Variants in OR51B5 observed in about 807,000 individuals in gnomAD.
OR51B5 encodes the protein olfactory receptor 51B5.
For synonymous variants in OR51B5, 186 were observed against 144.8 expected (o/e 1.28, Z -2.04); for missense variants, 456 against 374.6 (o/e 1.22, Z -1.79).
chr11:5,344,177 C>A (rs144596870), upstream of OR51B5, among the ~76,000 whole-genome samples: 53 of 152,226 alleles, frequency 3.5e-4, no homozygotes, highest in African/African-American at 1.2e-3. Context: ...CTTGTAGAAT[C>A]CTTCAGTACT....
chr11:5,489,034 A>T (rs767673177), intron 1 of OR51B5: 1 of 1,613,962 alleles, frequency 6.2e-7, no homozygotes, highest in Non-Finnish European at 8.5e-7. Context: ...TGTCCATTCT[A>T]TCTATGCTCT....
intron 1 of OR51B5, among the ~76,000 whole-genome samples, chr11:5,387,039 A>G (rs2133725008): frequency 6.6e-6 from 1 of 152,316 alleles, no homozygotes; most frequent in Non-Finnish European, 1.5e-5. Context: ...TATCTGGACT[A>G]GAGATTAATG....
rs185751635 is a variant in OR51B5 at position 5,354,405 on chromosome 11, A to G, written n.85-7495T>C. ...TGTAAATGGACACATTTGACTGACA[A>G]CCCTGAGTTTCTCTCCTCCCTTTCT... On this transcript the variant is annotated intron_variant and non_coding_transcript_variant, in intron 1 of 4. Transcript: ENST00000415970. 1.5e-4 allele frequency among the ~76,000 whole-genome samples: 23 copies of G among 152,320 alleles called. 4 individuals carry two copies. Among genetic ancestry groups the G allele is most frequent in the Admixed American group, 9.1e-4 (14 of 15,304 alleles).
At chr11:5,347,101 G>A (rs978867455), upstream of OR51B5, among the ~76,000 whole-genome samples, 5 of 152,114 alleles carry the variant, frequency 3.3e-5, no homozygotes, top group East Asian at 1.9e-4. Flanking sequence ...GTTACTGGCT[G>A]AATCAAGCCA....
chr11:5,340,496 T>C (rs2133674732), downstream of OR51B5: 1 of 152,032 alleles, frequency 6.6e-6, no homozygotes. Context: ...TGCAATGTCA[T>C]ATTGAAAAAT....
intron 1 of OR51B5, among the ~76,000 whole-genome samples, chr11:5,416,513 T>C (rs1488587627): frequency 6.6e-6 from 1 of 151,594 alleles, no homozygotes; most frequent in Non-Finnish European, 1.5e-5. Flanking sequence ...GACATGATTG[T>C]ATATCTAGAA....
At chr11:5,382,133 C>T (rs916943907) in intron 1 of OR51B5, among the ~76,000 whole-genome samples, 12 of 152,186 alleles carry the variant, frequency 7.9e-5, no homozygotes, top group African/African-American at 1.4e-4. Context: ...CATATAAACT[C>T]ATTCAGGGTC....
chr11:5,443,131 A>G (rs928156335), intron 1 of OR51B5, among the ~76,000 whole-genome samples: 1 of 152,152 alleles, frequency 6.6e-6, no homozygotes, highest in Non-Finnish European at 1.5e-5. Flanking sequence ...CTCTTCTACT[A>G]TATTTTCATG....
At chr11:5,400,077 G>A (rs959394108) in intron 1 of OR51B5, among the ~76,000 whole-genome samples, 1 of 152,168 alleles carries the variant, frequency 6.6e-6, no homozygotes, top group African/African-American at 2.4e-5. Flanking sequence ...TAAGAATGCA[G>A]AAGAGAAATG....
At position 5,369,208 on chromosome 11, in the gene OR51B5, C is replaced by T. The variant is rs541559634; in HGVS notation, n.85-22298G>A. ...TCCATTCACACATATAACCTGAGTC[C>T]CTACTGATTTTCTAGTACTGTACTG... is the stretch of plus-strand genomic sequence containing the variant. On this transcript the variant is annotated intron_variant and non_coding_transcript_variant, in intron 1 of 4. Coordinates refer to the OR51B5 transcript ENST00000415970. Among the ~76,000 whole-genome samples the T allele has an allele frequency of 2.2e-5, 3 of 133,858 alleles. No homozygotes were observed. In the East Asian group the frequency reaches 5.9e-4, roughly 26 times the overall value. 87.8% of individuals were successfully genotyped at this position (133,858 alleles called of 152,430 possible). A position where few individuals can be genotyped will look rare whatever the true frequency, so the allele number is the denominator to read the frequency against.
chr11:5,418,422 CAAAACAAAACA>C (rs1850274658), intron 1 of OR51B5, among the ~76,000 whole-genome samples: 1 of 149,774 alleles, frequency 6.7e-6, no homozygotes, highest in South Asian at 2.1e-4. Flanking sequence ...AAAAACAAAA[CAAAACAAAACA>C]AAAAGAAAAA....
At chr11:5,345,999 CCCTTCT>C (rs1848984878), upstream of OR51B5, 1 of 152,164 alleles carries the variant, frequency 6.6e-6, no homozygotes, top group Non-Finnish European at 1.5e-5. Flanking sequence ...TTAGCTCCTC[CCCTTCT>C]GTGTTCTATG....
chr11:5,422,506 G>A, intron 1 of OR51B5: 3 of 1,614,142 alleles, frequency 1.9e-6, no homozygotes, highest in Non-Finnish European at 1.7e-6. Flanking sequence ...GTTTTGCTCA[G>A]TTTTTCTTCC....
chr11:5,424,295 G>A (rs960979541), intron 1 of OR51B5, among the ~76,000 whole-genome samples: 4 of 152,074 alleles, frequency 2.6e-5, no homozygotes, highest in Admixed American at 2.6e-4. Flanking sequence ...CACATAGAAG[G>A]GTGAGGAAAA....
chr11:5,378,823 A>C (rs1304198172), intron 1 of OR51B5, among the ~76,000 whole-genome samples: 1 of 150,818 alleles, frequency 6.6e-6, no homozygotes, highest in Non-Finnish European at 1.5e-5. Flanking sequence ...CAGGTGCTGG[A>C]GAGGATGTGG....
At chr11:5,426,260 G>A (rs551777790) in intron 1 of OR51B5, among the ~76,000 whole-genome samples, 78 of 152,214 alleles carry the variant, frequency 5.1e-4, no homozygotes, top group African/African-American at 1.7e-3. Context: ...TTTTAGGGTG[G>A]TGGAATCATT....
In OR51B5 at chr11:5,389,508, A is replaced by G. The variant is rs372517005; in HGVS notation, n.85-42598T>C. ...TTTCCTGGATTGGAAGGCATCAAAC[A>G]CTGGATTTTCATCCCCTTTTTCTTT... On this transcript the variant is annotated intron_variant and non_coding_transcript_variant, in intron 1 of 4. Coordinates refer to the OR51B5 transcript ENST00000415970. 58 of 1,613,844 alleles carry G rather than the reference A, an allele frequency of 3.6e-5. No homozygotes were observed. Among genetic ancestry groups the G allele is most frequent in the Non-Finnish European group, 4.9e-5 (58 of 1,179,890 alleles).
intron 1 of OR51B5, among the ~76,000 whole-genome samples, chr11:5,402,296 T>G (rs1409756758): frequency 2.0e-5 from 3 of 152,202 alleles, no homozygotes. Context: ...ATTACAGGCA[T>G]GAGCCACTGC....
chr11:5,365,135 A>G (rs1849345414), intron 1 of OR51B5, among the ~76,000 whole-genome samples: 1 of 152,198 alleles, frequency 6.6e-6, no homozygotes, highest in South Asian at 2.1e-4. Context: ...CACAACTGCT[A>G]AATAACTTTT....
Sources: allele counts gnomAD v4.1 joint callset (sites outside exome capture counted in the v4.1 genomes callset), GRCh38; gene constraint gnomAD v4.1.1; transcripts MANE v1.5; gene names NCBI Gene and HGNC (gene_info 2026-07-23, HGNC 2026-07-21).